The following DYNC2H1 variants were observed in gnomAD, a reference collection of about 807,000 sequenced individuals.
The protein encoded by DYNC2H1 is cytoplasmic dynein 2 heavy chain 1.
In DYNC2H1, 410 loss-of-function variants were observed where a neutral mutation model predicts 570.0. The observed-to-expected ratio is 0.72, with a 90% confidence interval of 0.66 to 0.78. The LOEUF (loss-of-function observed/expected upper bound fraction) is 0.78. Ranked by LOEUF, DYNC2H1 falls within the 30% of genes least tolerant of loss-of-function variation. DYNC2H1 has a pLI of 0.00. For missense variants in DYNC2H1, 4,865 were observed against 5,046.4 expected, an observed-to-expected ratio of 0.96 and a Z score of 1.09; for synonymous variants, 1,688 against 1,677.6, an observed-to-expected ratio of 1.01 and a Z score of -0.15.
intron 87 of DYNC2H1, among the ~76,000 whole-genome samples, chr11:103,460,052 C>T (rs187788475): frequency 1.7e-3 from 255 of 147,462 alleles, no homozygotes; most frequent in Admixed American, 4.9e-3. Context: ...TGGGGTTTTG[C>T]TATGTGGCCC....
At chr11:103,388,670 G>A (rs1328179630) in intron 83 of DYNC2H1, among the ~76,000 whole-genome samples, 1 of 151,098 alleles carries the variant, frequency 6.6e-6, no homozygotes, top group Non-Finnish European at 1.5e-5. Context: ...TTTGAGATAT[G>A]TCCCATCAAT....
intron 47 of DYNC2H1, among the ~76,000 whole-genome samples, chr11:103,196,760 G>A (rs1292309616): frequency 1.3e-5 from 2 of 152,092 alleles, no homozygotes; most frequent in African/African-American, 2.4e-5. Flanking sequence ...AAGAAGAGAT[G>A]CACAAAGGTC....
At chr11:103,321,455 T>G (rs901503959) in intron 81 of DYNC2H1, among the ~76,000 whole-genome samples, 4 of 152,134 alleles carry the variant, frequency 2.6e-5, no homozygotes, top group Non-Finnish European at 5.9e-5. Flanking sequence ...ATCATAATAA[T>G]AGGCTGGTAT....
chr11:103,294,115 G>A (rs1866724782), intron 75 of DYNC2H1, among the ~76,000 whole-genome samples: 1 of 152,154 alleles, frequency 6.6e-6, no homozygotes, highest in African/African-American at 2.4e-5. Context: ...AATTCTCTGT[G>A]TTATCTTAAA....
chr11:103,298,780 A>G (rs1489754514), intron 75 of DYNC2H1, among the ~76,000 whole-genome samples: 1 of 152,156 alleles, frequency 6.6e-6, no homozygotes, highest in Non-Finnish European at 1.5e-5. Flanking sequence ...CATCATTCAT[A>G]TGGAAAGATC....
chr11:103,191,102 C>T lies in DYNC2H1; in HGVS notation c.7438-415C>T, dbSNP rs948223415. On this transcript the variant is annotated intron_variant, in intron 45 of 88. Coordinates refer to ENST00000375735, the MANE Select transcript of DYNC2H1 (RefSeq NM_001377.3). ...TCGCCCAGGTTGTAGTGCAGTGGCA[C>T]AATCTCAGCTCACTGCAACCTCTGC... is the stretch of plus-strand genomic sequence containing the variant. Among the ~76,000 whole-genome samples the T allele has an allele frequency of 1.6e-3, 235 of 146,950 alleles. 3 individuals are homozygous for T. The highest frequency in any genetic ancestry group is 1.8e-3 in the Non-Finnish European group (121 of 67,296).
intron 70 of DYNC2H1, among the ~76,000 whole-genome samples, chr11:103,260,442 G>A (rs1306577348): frequency 6.6e-6 from 1 of 152,090 alleles, no homozygotes; most frequent in Non-Finnish European, 1.5e-5. Context: ...CTCTGGGGTT[G>A]AGGAACAAAA....
rs1325793799 is a variant in DYNC2H1 at position 103,180,516 on chromosome 11, A to T, written c.6348-1241A>T. ...TGTTTGTGAAAGGCATAATGAATGT[A>T]TATGATTTCATGTAAAATACAAATA... On this transcript the variant is annotated intron_variant, in intron 39 of 88. Coordinates refer to ENST00000375735, the MANE Select transcript of DYNC2H1 (RefSeq NM_001377.3). Among the ~76,000 whole-genome samples the T allele has an allele frequency of 5.3e-5, 8 of 151,716 alleles. No individual in the cohort carries two copies. The East Asian group carries it at 1.3e-3, about 26-fold the overall frequency.
chr11:103,409,783 G>A (rs1250619391), intron 84 of DYNC2H1: 1 of 152,890 alleles, frequency 6.5e-6, no homozygotes, highest in Non-Finnish European at 1.5e-5. Flanking sequence ...TTCTTGGGTA[G>A]CTTGTCTGGT....
At chr11:103,174,695 A>C (rs564453334) in intron 36 of DYNC2H1, among the ~76,000 whole-genome samples, 1 of 152,272 alleles carries the variant, frequency 6.6e-6, no homozygotes, top group Non-Finnish European at 1.5e-5. Context: ...AATGTTTGGA[A>C]AGAATACCGC....
At chr11:103,282,055 T>C (rs978914229) in intron 71 of DYNC2H1, 124 bp from the exon 72 acceptor site, 29 of 689,906 alleles carry the variant, frequency 4.2e-5, no homozygotes, top group Middle Eastern at 3.2e-4. Flanking sequence ...GAAGAAGTGG[T>C]AAGATGGAAA....
chr11:103,372,966 T>C, intron 83 of DYNC2H1, among the ~76,000 whole-genome samples: 1 of 152,032 alleles, frequency 6.6e-6, no homozygotes, highest in Non-Finnish European at 1.5e-5. Context: ...TGTTTGGAGA[T>C]AGGGTCTTGC....
intron 68 of DYNC2H1, 83 bp from the exon 69 acceptor site, chr11:103,257,525 G>A (rs1865104681): frequency 2.3e-6 from 3 of 1,318,604 alleles, no homozygotes; most frequent in Non-Finnish European, 3.0e-6. Flanking sequence ...GGGTAGATAT[G>A]TGCATTGTAG....
In DYNC2H1 at chr11:103,205,671, A is replaced by G. The variant is rs1862897314; in HGVS notation, c.8454+707A>G. ...TACCACTGTTCTATATATGTTGAGG[A>G]CATAGCAGACGAAAAAAAACCAGAG... On this transcript the variant is annotated intron_variant, in intron 52 of 88. Coordinates refer to ENST00000375735, the MANE Select transcript of DYNC2H1 (RefSeq NM_001377.3). The surrounding 1 kb of genome is among the most constrained non-coding windows in gnomAD (Gnocchi z 4.5). Among the ~76,000 whole-genome samples, 1 of 152,124 alleles carries G rather than the reference A, an allele frequency of 6.6e-6. No individual in the cohort carries two copies.
intron 82 of DYNC2H1, among the ~76,000 whole-genome samples, chr11:103,331,377 T>C (rs1033256194): frequency 1.3e-5 from 2 of 152,034 alleles, no homozygotes; most frequent in Non-Finnish European, 2.9e-5. Context: ...AACACAGCTA[T>C]TTTGTGGGGA....
intron 17 of DYNC2H1, among the ~76,000 whole-genome samples, chr11:103,140,713 G>A (rs1268695744): frequency 3.3e-5 from 5 of 152,218 alleles, no homozygotes; most frequent in African/African-American, 1.2e-4. Context: ...GAGTATCTTT[G>A]TGACATTCTC....
chr11:103,310,981 C>T (rs973654598), intron 78 of DYNC2H1, among the ~76,000 whole-genome samples: 5 of 151,878 alleles, frequency 3.3e-5, no homozygotes, highest in Admixed American at 6.6e-5. Context: ...GGATTACAAG[C>T]GTGAGCCACC....
intron 84 of DYNC2H1, among the ~76,000 whole-genome samples, chr11:103,411,003 C>A (rs1219403833): frequency 6.6e-6 from 1 of 152,072 alleles, no homozygotes; most frequent in Non-Finnish European, 1.5e-5. Flanking sequence ...GGGCATTTTT[C>A]ACTGGGGTGG....
Position 103,220,028 on chromosome 11 carries a change from A to G in DYNC2H1, c.8946A>G (p.Gln2982=). ...TTGATGATGAATTAAAAGAAGTACA[A>G]GTAAGTTAAAAAACATTCTAAGATC... ...NKIDDELKEV[Q]PLVNEAKLAV... is the part of the protein sequence containing the mutation. The change falls in exon 56 of 89, where the codon CAA becomes CAG. Residue 2982 remains glutamine, a splice_region_variant and synonymous_variant. Coordinates refer to ENST00000375735, the MANE Select transcript of DYNC2H1 (RefSeq NM_001377.3). 2 of 1,408,458 alleles carry G rather than the reference A, an allele frequency of 1.4e-6. No individual in the cohort carries two copies. The highest frequency in any genetic ancestry group is 1.9e-6 in the Non-Finnish European group (2 of 1,063,022). 87.2% of individuals were successfully genotyped at this position (1,408,458 alleles called of 1,614,324 possible).
Sources: gnomAD v4.1 joint callset for allele counts (sites outside exome capture counted in the v4.1 genomes callset) on GRCh38, gnomAD v4.1.1 for gene constraint, Gnocchi (gnomAD v3.1) non-coding constraint, MANE v1.5 for transcripts, NCBI Gene and HGNC (gene_info 2026-07-23, HGNC 2026-07-21) for gene names.